Variants in KCNK10 observed in about 807,000 individuals in gnomAD.
KCNK10 encodes potassium two pore domain channel subfamily K member 10, also known as potassium channel subfamily K member 10.
A neutral mutation model predicts 47.7 loss-of-function variants in KCNK10; 25 were observed. That is an observed-to-expected ratio of 0.52 (90% CI 0.38 to 0.73). The LOEUF (loss-of-function observed/expected upper bound fraction) is 0.73. Ranked by LOEUF, KCNK10 falls within the 30% of genes least tolerant of loss-of-function variation. The pLI is 0.00. For synonymous variants in KCNK10, 303 were observed against 285.6 expected (o/e 1.06, Z -0.61); for missense variants, 563 against 714.5 (o/e 0.79, Z 2.42).
chr14:88,247,564 T>A (rs1470841483), intron 2 of KCNK10, among the ~76,000 whole-genome samples: 1 of 152,212 alleles, frequency 6.6e-6, no homozygotes, highest in Non-Finnish European at 1.5e-5. Flanking sequence ...CAAGTTTTCA[T>A]TAGAACTTTA....
intron 1 of KCNK10, among the ~76,000 whole-genome samples, chr14:88,315,611 T>G (rs1888414632): frequency 6.6e-6 from 1 of 152,170 alleles, no homozygotes; most frequent in African/African-American, 2.4e-5. Context: ...TGCTTGCACA[T>G]AAGAAACTCA....
chr14:88,238,965 T>C (rs978755893), intron 3 of KCNK10, among the ~76,000 whole-genome samples: 4 of 152,208 alleles, frequency 2.6e-5, no homozygotes, highest in Non-Finnish European at 5.9e-5. Flanking sequence ...ACGGCATTTA[T>C]TGATTAGGTT....
At chr14:88,234,927 T>C (rs1230190590) in intron 3 of KCNK10, 1 of 310,864 alleles carries the variant, frequency 3.2e-6, no homozygotes, top group Admixed American at 3.9e-5. Flanking sequence ...CAGAAAATGA[T>C]GACAGGGCCC....
intron 2 of KCNK10, among the ~76,000 whole-genome samples, chr14:88,244,977 A>G (rs1023700479): frequency 5.9e-5 from 9 of 152,216 alleles, no homozygotes; most frequent in Admixed American, 1.3e-4. Context: ...GATACTGTAG[A>G]TAAGAGGGCA....
chr14:88,224,498 TC>T (rs1885921511), intron 4 of KCNK10, among the ~76,000 whole-genome samples: 3 of 152,328 alleles, frequency 2.0e-5, no homozygotes, highest in East Asian at 3.9e-4. Flanking sequence ...TAATCCAATA[TC>T]CCTCAGCAAT....
At chr14:88,282,881 C>T (rs995991734) in intron 1 of KCNK10, among the ~76,000 whole-genome samples, 3 of 152,184 alleles carry the variant, frequency 2.0e-5, no homozygotes, top group Non-Finnish European at 4.4e-5. Context: ...ACAGTGCTTC[C>T]GCATAGACAA....
intron 1 of KCNK10, among the ~76,000 whole-genome samples, chr14:88,268,268 G>A (rs759284888): frequency 3.7e-4 from 56 of 152,178 alleles, no homozygotes; most frequent in Non-Finnish European, 2.2e-4. Flanking sequence ...TCCTTGCTGC[G>A]CACAGACACT....
At chr14:88,203,987 T>C (rs1206923169) in intron 4 of KCNK10, among the ~76,000 whole-genome samples, 2 of 152,192 alleles carry the variant, frequency 1.3e-5, no homozygotes, top group African/African-American at 4.8e-5. Flanking sequence ...AGAGAAAAGA[T>C]TCAGAAGTAC....
chr14:88,265,937 T>C (rs780608096), intron 1 of KCNK10, among the ~76,000 whole-genome samples: 19 of 152,290 alleles, frequency 1.2e-4, no homozygotes, highest in Admixed American at 4.6e-4. Context: ...TAAACTTCTT[T>C]CCTTTATAAC....
At chr14:88,326,833 A>G, upstream of KCNK10, 1 of 252,442 alleles carries the variant, frequency 4.0e-6, no homozygotes, top group Non-Finnish European at 7.6e-6. Context: ...AGTTTCCCCG[A>G]GTTGGCTGGC....
chr14:88,301,968 G>A (rs983529703), intron 1 of KCNK10, among the ~76,000 whole-genome samples: 2 of 152,144 alleles, frequency 1.3e-5, no homozygotes, highest in Non-Finnish European at 2.9e-5. Context: ...AAAGGAGGCC[G>A]ATAAAAAGGC....
At chr14:88,217,040 G>A (rs901512856) in intron 4 of KCNK10, among the ~76,000 whole-genome samples, 8 of 152,084 alleles carry the variant, frequency 5.3e-5, no homozygotes, top group Admixed American at 2.0e-4. Flanking sequence ...GCCTGTAGCC[G>A]CAGCTACTCA....
chr14:88,259,600 GC>G (rs537111732), intron 2 of KCNK10, among the ~76,000 whole-genome samples: 1 of 152,108 alleles, frequency 6.6e-6, no homozygotes, highest in Admixed American at 6.5e-5. Context: ...GGGACTTCAG[GC>G]GTGTGCCACC....
chr14:88,201,225 C>A (rs2139839148), intron 4 of KCNK10, among the ~76,000 whole-genome samples: 1 of 152,310 alleles, frequency 6.6e-6, no homozygotes, highest in South Asian at 2.1e-4. Flanking sequence ...ACAAATGCCT[C>A]CAGGAAATGC....
At chr14:88,193,530 T>C (rs191452571) in intron 4 of KCNK10, among the ~76,000 whole-genome samples, 2 of 152,300 alleles carry the variant, frequency 1.3e-5, no homozygotes, top group East Asian at 3.9e-4. Flanking sequence ...GAACGATGTG[T>C]TTAACACCAG....
intron 4 of KCNK10, among the ~76,000 whole-genome samples, chr14:88,204,867 C>T (rs118081105): frequency 0.03 from 4,585 of 152,280 alleles, 112 homozygotes; most frequent in Middle Eastern, 0.061. Context: ...GCACTGGTTA[C>T]AAGTGATGAG....
chr14:88,250,678 G>A (rs1291598009), intron 2 of KCNK10, among the ~76,000 whole-genome samples: 1 of 152,112 alleles, frequency 6.6e-6, no homozygotes, highest in Non-Finnish European at 1.5e-5. Context: ...GTAAAGCTTC[G>A]ACGGCTATAG....
chr14:88,298,397 G>T (rs116545769), intron 1 of KCNK10, among the ~76,000 whole-genome samples: 2,732 of 152,176 alleles, frequency 0.018, 100 homozygotes, highest in African/African-American at 0.062. Flanking sequence ...TCTGTAAAAC[G>T]CCTTCCCCTC....
intron 1 of KCNK10, among the ~76,000 whole-genome samples, chr14:88,276,501 A>G (rs1887531108): frequency 6.6e-6 from 1 of 152,046 alleles, no homozygotes; most frequent in African/African-American, 2.4e-5. Context: ...CTCTCTTTCC[A>G]GCTTGCTACC....
Sources: allele counts gnomAD v4.1 joint callset (sites outside exome capture counted in the v4.1 genomes callset), GRCh38; gene constraint gnomAD v4.1.1; transcripts MANE v1.5; gene names NCBI Gene and HGNC (gene_info 2026-07-23, HGNC 2026-07-21).